NCKAP5: variants seen among roughly 807,000 people sequenced by gnomAD.
The protein encoded by NCKAP5 is nck-associated protein 5.
NCKAP5 carries 92 observed loss-of-function variants against 167.0 expected under a neutral mutation model. The ratio of observed to expected loss-of-function variants is 0.55; its 90% confidence interval spans 0.47 to 0.66. The LOEUF is 0.66. Among genes scored for constraint, NCKAP5 ranks in the 30% least tolerant of loss-of-function variants. The pLI is 0.00. For missense variants in NCKAP5, 2,378 were observed against 2,315.0 expected (o/e 1.03, Z -0.56); for synonymous variants, 891 against 877.4 (o/e 1.02, Z -0.27).
At chr2:133,595,621 C>G in the NCKAP5 span, among the ~76,000 whole-genome samples, 27 of 151,676 alleles carry the variant, frequency 1.8e-4, no homozygotes, top group South Asian at 8.3e-4. Context: ...TCTGAAGTAC[C>G]CTGGGAGGGT....
intron 5 of NCKAP5, among the ~76,000 whole-genome samples, chr2:133,191,361 G>C (rs2085209366): frequency 6.6e-6 from 1 of 152,198 alleles, no homozygotes. Context: ...GGAAGACAGT[G>C]TGGCGATCCC....
At chr2:133,075,827 G>C (rs749610941) in intron 6 of NCKAP5, among the ~76,000 whole-genome samples, 2 of 151,920 alleles carry the variant, frequency 1.3e-5, no homozygotes, top group Non-Finnish European at 2.9e-5. Flanking sequence ...AGAAAAACAG[G>C]CCAAAAATAA....
intron 6 of NCKAP5, among the ~76,000 whole-genome samples, chr2:132,994,477 C>A (rs187766192): frequency 6.6e-6 from 1 of 152,310 alleles, no homozygotes; most frequent in Admixed American, 6.5e-5. Flanking sequence ...ACTTGGACAT[C>A]TAAACTCATG....
chr2:133,042,309 T>C (rs2079242578), intron 6 of NCKAP5, among the ~76,000 whole-genome samples: 1 of 152,100 alleles, frequency 6.6e-6, no homozygotes, highest in African/African-American at 2.4e-5. Flanking sequence ...ACTTCCTTGG[T>C]GCCTCACTGA....
chr2:133,109,152 C>G (rs2081823996), intron 6 of NCKAP5, among the ~76,000 whole-genome samples: 1 of 152,126 alleles, frequency 6.6e-6, no homozygotes, highest in South Asian at 2.1e-4. Context: ...AATTATACAA[C>G]AATATAAGCT....
intron 4 of NCKAP5, chr2:133,265,144 T>G (rs1003005091): frequency 5.3e-5 from 8 of 152,248 alleles, no homozygotes; most frequent in African/African-American, 1.9e-4. Context: ...AGAGGGGTAG[T>G]CTATTTTAGG....
At chr2:133,530,819 C>T (rs192420695) in intron 2 of NCKAP5, among the ~76,000 whole-genome samples, 2 of 152,258 alleles carry the variant, frequency 1.3e-5, no homozygotes, top group East Asian at 3.9e-4. Context: ...TGAGAAGAAG[C>T]CCAGTCTAGC....
chr2:133,040,003 T>A (rs2079159643), intron 6 of NCKAP5, among the ~76,000 whole-genome samples: 1 of 152,184 alleles, frequency 6.6e-6, no homozygotes, highest in Non-Finnish European at 1.5e-5. Flanking sequence ...TGTTTTGATA[T>A]TACTTTCTCC....
At chr2:133,516,114 T>C (rs1683969533) in intron 3 of NCKAP5, among the ~76,000 whole-genome samples, 2 of 152,250 alleles carry the variant, frequency 1.3e-5, no homozygotes, top group Non-Finnish European at 2.9e-5. Context: ...TACGGCTGTC[T>C]CTGTCCTTAG....
At chr2:133,383,286 A>C (rs558699891) in intron 3 of NCKAP5, among the ~76,000 whole-genome samples, 1 of 152,154 alleles carries the variant, frequency 6.6e-6, no homozygotes, top group African/African-American at 2.4e-5. Flanking sequence ...TCATTGTTCA[A>C]TTCCCACCTA....
chr2:133,046,878 T>C (rs1001692733), intron 6 of NCKAP5, among the ~76,000 whole-genome samples: 14 of 152,198 alleles, frequency 9.2e-5, no homozygotes, highest in African/African-American at 3.4e-4. Context: ...GAGAACAGGT[T>C]GCAATTTTCG....
intron 15 of NCKAP5, 105 bp from the exon 16 acceptor site, chr2:132,773,999 G>T: frequency 1.1e-6 from 1 of 891,702 alleles, no homozygotes; most frequent in Non-Finnish European, 1.8e-6. Context: ...TGTGGGCATA[G>T]GTGTGAGTGT....
At chr2:133,324,435 G>C (rs1273117378) in intron 3 of NCKAP5, among the ~76,000 whole-genome samples, 1 of 152,176 alleles carries the variant, frequency 6.6e-6, no homozygotes, top group Non-Finnish European at 1.5e-5. Flanking sequence ...TTTATAGCTG[G>C]CTGCTGAGTC....
chr2:133,359,303 A>G lies in NCKAP5; in HGVS notation c.70-56193T>C, dbSNP rs77011835. On this transcript the variant is annotated intron_variant, in intron 3 of 19. Transcript: ENST00000409261. ...CACGTCTTACAACTGCCCCACTTCA[A>G]TATTCCTGTGTGTCACCTACCCCAC... is the stretch of plus-strand genomic sequence containing the variant. 9.3e-3 allele frequency among the ~76,000 whole-genome samples: 1,410 copies of G among 152,284 alleles called. 19 individuals are homozygous for G. Among genetic ancestry groups the G allele is most frequent in the African/African-American group, 0.032 (1,326 of 41,550 alleles).
intron 16 of NCKAP5, among the ~76,000 whole-genome samples, chr2:132,748,029 C>T (rs530689975): frequency 6.6e-6 from 1 of 152,216 alleles, no homozygotes; most frequent in Admixed American, 6.5e-5. Flanking sequence ...ATGGTATTAG[C>T]TCACAGTGCA....
intron 3 of NCKAP5, among the ~76,000 whole-genome samples, chr2:133,395,183 A>G (rs1687658746): frequency 6.6e-6 from 1 of 152,202 alleles, no homozygotes; most frequent in South Asian, 2.1e-4. Context: ...GGGCTTGGGT[A>G]TGTGAGAAGC....
chr2:133,149,175 T>C (rs1335750684), intron 5 of NCKAP5, among the ~76,000 whole-genome samples: 1 of 152,174 alleles, frequency 6.6e-6, no homozygotes, highest in Non-Finnish European at 1.5e-5. Flanking sequence ...AACAGACACC[T>C]TACCTGTCAC....
At chr2:132,906,600 T>A (rs1200174950) in intron 8 of NCKAP5, among the ~76,000 whole-genome samples, 2 of 152,108 alleles carry the variant, frequency 1.3e-5, no homozygotes, top group African/African-American at 4.8e-5. Context: ...TGAAGTAGCT[T>A]GAGAGAGCCC....
chr2:133,287,851 G>A (rs144706437), intron 4 of NCKAP5, among the ~76,000 whole-genome samples: 158 of 152,292 alleles, frequency 1.0e-3, no homozygotes, highest in African/African-American at 3.5e-3. Flanking sequence ...AAAGGAGTGC[G>A]TGTGTAGAAA....
Sources: allele counts gnomAD v4.1 joint callset (sites outside exome capture counted in the v4.1 genomes callset), GRCh38; gene constraint gnomAD v4.1.1; transcripts MANE v1.5; gene names NCBI Gene and HGNC (gene_info 2026-07-23, HGNC 2026-07-21).